Variants in PRICKLE2 observed in about 807,000 individuals in gnomAD.
PRICKLE2 encodes prickle-like protein 2.
PRICKLE2 carries 21 observed loss-of-function variants against 81.4 expected under a neutral mutation model. The ratio of observed to expected loss-of-function variants is 0.26; its 90% CI spans 0.18 to 0.37. The LOEUF is 0.37. Among genes scored for constraint, PRICKLE2 ranks in the 10% least tolerant of loss-of-function variants. PRICKLE2 has a pLI of 1.00. For missense variants in PRICKLE2, 940 were observed against 1,109.0 expected (o/e 0.85, Z 2.16); for synonymous variants, 456 against 421.5 (o/e 1.08, Z -1.00).
intron 2 of PRICKLE2, among the ~76,000 whole-genome samples, chr3:64,250,279 G>A (rs1226437593): frequency 2.0e-5 from 3 of 152,190 alleles, no homozygotes; most frequent in Non-Finnish European, 2.9e-5. Flanking sequence ...CTTGTGTACT[G>A]TAGGATATTT....
At chr3:64,101,186 T>A (rs1297550092) in intron 7 of PRICKLE2, 1 of 152,244 alleles carries the variant, frequency 6.6e-6, no homozygotes, top group Non-Finnish European at 1.5e-5. Flanking sequence ...TCCACAATTC[T>A]CCATCTTCAC....
At chr3:64,253,188 T>G (rs1196567882) in intron 2 of PRICKLE2, among the ~76,000 whole-genome samples, 1 of 152,202 alleles carries the variant, frequency 6.6e-6, no homozygotes, top group East Asian at 1.9e-4. Context: ...TTAATGTGCT[T>G]TATCTCATTT....
At chr3:64,102,413 G>C (rs1559508299) in intron 7 of PRICKLE2, 1 of 152,178 alleles carries the variant, frequency 6.6e-6, no homozygotes, top group Non-Finnish European at 1.5e-5. Flanking sequence ...ACTCTCATAG[G>C]AGTGTAAACC....
intron 1 of PRICKLE2, among the ~76,000 whole-genome samples, chr3:64,220,541 C>G (rs1233116752): frequency 6.6e-6 from 1 of 152,160 alleles, no homozygotes; most frequent in Non-Finnish European, 1.5e-5. Context: ...AGCACTCAAA[C>G]ACTTACATAC....
chr3:64,137,079 T>C (rs541930878), intron 7 of PRICKLE2, among the ~76,000 whole-genome samples: 1 of 152,328 alleles, frequency 6.6e-6, no homozygotes, highest in African/African-American at 2.4e-5. Flanking sequence ...TGAAAATTCA[T>C]GAAAATATGA....
In PRICKLE2 at chr3:64,097,316, C is replaced by T. The variant is rs555345946; in HGVS notation, c.*1735G>A. On this transcript the variant is annotated 3_prime_UTR_variant, in exon 8 of 8. Transcript: ENST00000638394. ...GGTCTGAAATGCCACTTTTGACATT[C>T]TCTCCATAAAAAATACTAGAAAATG... 4 of 152,696 alleles carry T rather than the reference C, an allele frequency of 2.6e-5. No individual in the cohort carries two copies. The highest frequency in any genetic ancestry group is 4.1e-4 in the South Asian group (2 of 4,824). The allele number at this position is 152,696 out of a possible 1,614,324, so 9.5% of individuals were successfully genotyped here.
chr3:64,203,200 G>A (rs1050227716), intron 1 of PRICKLE2, among the ~76,000 whole-genome samples: 1 of 152,064 alleles, frequency 6.6e-6, no homozygotes, highest in African/African-American at 2.4e-5. Context: ...CTTGGATCTC[G>A]TTTGCATCTC....
intron 2 of PRICKLE2, among the ~76,000 whole-genome samples, chr3:64,184,843 C>T (rs957570946): frequency 2.0e-5 from 3 of 152,158 alleles, no homozygotes; most frequent in Non-Finnish European, 4.4e-5. Context: ...ATCCACACAG[C>T]AATGGGGCAC....
Sources: gnomAD v4.1 joint callset for allele counts (sites outside exome capture counted in the v4.1 genomes callset) on GRCh38, gnomAD v4.1.1 for gene constraint, MANE v1.5 for transcripts, NCBI Gene and HGNC (gene_info 2026-07-23, HGNC 2026-07-21) for gene names.